The following ABRAXAS2 variants were observed in gnomAD, a reference collection of about 807,000 sequenced individuals.
ABRAXAS2 encodes the protein BRISC complex subunit Abraxas 2.
In ABRAXAS2, 23 loss-of-function variants were observed where a neutral mutation model predicts 49.0. That is an observed-to-expected ratio of 0.47 (90% confidence interval 0.34 to 0.66). The LOEUF (loss-of-function observed/expected upper bound fraction) is 0.66. Among genes scored for constraint, ABRAXAS2 ranks in the 30% least tolerant of loss-of-function variants. The pLI is 0.01. For missense variants in ABRAXAS2, 443 were observed against 511.9 expected (o/e 0.87, Z 1.30); for synonymous variants, 168 against 180.2 (o/e 0.93, Z 0.54).
chr10:124,832,086 C>T (rs1342118513), intron 8 of ABRAXAS2, among the ~76,000 whole-genome samples: 3 of 151,530 alleles, frequency 2.0e-5, no homozygotes, highest in East Asian at 1.9e-4. Flanking sequence ...AGGCTGGTCT[C>T]GGCCTCAGGT....
intron 1 of ABRAXAS2, among the ~76,000 whole-genome samples, chr10:124,802,920 A>G (rs1950715857): frequency 6.6e-6 from 1 of 152,190 alleles, no homozygotes; most frequent in South Asian, 2.1e-4. Context: ...AGTAAATTGA[A>G]TGCAATTAAA....
chr10:124,823,325 T>G (rs1419533060), intron 4 of ABRAXAS2, among the ~76,000 whole-genome samples: 1 of 152,178 alleles, frequency 6.6e-6, no homozygotes, highest in Non-Finnish European at 1.5e-5. Flanking sequence ...ACAAGGTACA[T>G]GTAAAATGTT....
chr10:124,816,522 G>T, intron 2 of ABRAXAS2, 54 bp from the exon 3 acceptor site: 4 of 1,267,202 alleles, frequency 3.2e-6, no homozygotes, highest in African/African-American at 1.5e-5. Context: ...CTATTTTATA[G>T]TTGCCTATGT....
chr10:124,822,515 G>A lies in ABRAXAS2; in HGVS notation c.267+3065G>A, dbSNP rs111392072. Among the ~76,000 whole-genome samples the A allele has an allele frequency of 3.7e-3, 564 of 152,044 alleles. 5 individuals are homozygous for A. Among genetic ancestry groups the A allele is most frequent in the Middle Eastern group, 0.01 (3 of 294 alleles). On this transcript the variant is annotated intron_variant, in intron 4 of 8. Coordinates refer to ENST00000298492, the MANE Select transcript of ABRAXAS2 (RefSeq NM_032182.4). The stretch of plus-strand genomic sequence containing the variant: ...AATTGAAAACAAAGATTCTACAGCC[G>A]GGCTCGGTGGCTCATGCCTGTAATC...
chr10:124,832,144 T>C (rs142277275), intron 8 of ABRAXAS2, among the ~76,000 whole-genome samples: 8,739 of 151,854 alleles, frequency 0.058, 809 homozygotes, highest in African/African-American at 0.2. Context: ...CAGGTGTGAG[T>C]CACCACACCT....
intron 4 of ABRAXAS2, among the ~76,000 whole-genome samples, chr10:124,823,797 C>T (rs1950877602): frequency 6.6e-6 from 1 of 152,222 alleles, no homozygotes; most frequent in Admixed American, 6.5e-5. Flanking sequence ...CTTAGTTTCT[C>T]AGTAGCTTTG....
intron 3 of ABRAXAS2, among the ~76,000 whole-genome samples, chr10:124,818,552 G>A (rs1302988187): frequency 6.6e-6 from 1 of 152,168 alleles, no homozygotes; most frequent in Non-Finnish European, 1.5e-5. Flanking sequence ...AACAGAACTG[G>A]AGCTGGAGCT....
chr10:124,826,669 G>A lies in ABRAXAS2; in HGVS notation c.342G>A (p.Lys114=). ...QMSYREQVLH[K]QLTRILGVPD... is the part of the protein sequence containing the mutation. ...CCTACAGAGAGCAGGTTCTTCACAA[G>A]CAGCTCACCCGCATCCTCGGCGTGC... The change falls in exon 5 of 9, where the codon AAG becomes AAA. Residue 114 remains lysine (K), a synonymous_variant. Transcript: ENST00000298492. 6.2e-7 allele frequency: 1 copy of A among 1,614,192 alleles called. No homozygotes were observed. The highest frequency in any genetic ancestry group is 1.7e-5 in the Admixed American group (1 of 60,014).
chr10:124,809,845 C>T (rs537769006), intron 2 of ABRAXAS2, among the ~76,000 whole-genome samples: 8 of 151,712 alleles, frequency 5.3e-5, no homozygotes, highest in East Asian at 2.0e-4. Flanking sequence ...CTCCACCTCC[C>T]GGGTTCAAGC....
intron 4 of ABRAXAS2, among the ~76,000 whole-genome samples, chr10:124,823,342 A>G (rs1212042154): frequency 6.6e-6 from 1 of 152,224 alleles, no homozygotes; most frequent in Non-Finnish European, 1.5e-5. Context: ...TGTTAGGCTT[A>G]AGATAGAGGC....
chr10:124,828,813 G>A lies in ABRAXAS2; in HGVS notation c.516G>A (p.Glu172=). Residue 172 remains glutamate, a synonymous_variant, in exon 6 of 9, where the codon GAG becomes GAA. Coordinates refer to ENST00000298492, the MANE Select transcript of ABRAXAS2 (RefSeq NM_032182.4). ...ATCTAGGAAATACTAGCCAGCAAGA[G>A]TACAAAGTGTCTTCAGTGCCAAATA... ...IPNLGNTSQQ[E]YKVSSVPNTS... is the part of the protein sequence containing the mutation. The A allele has an allele frequency of 6.2e-7, 1 of 1,613,692 alleles. No individual in the cohort carries two copies. The highest frequency in any genetic ancestry group is 1.1e-5 in the South Asian group (1 of 91,064).
chr10:124,805,116 C>T (rs537630472), intron 1 of ABRAXAS2, among the ~76,000 whole-genome samples: 15 of 152,218 alleles, frequency 9.9e-5, no homozygotes, highest in African/African-American at 3.6e-4. Context: ...AAGTGTCTGT[C>T]TTGTCAGGAG....
intron 2 of ABRAXAS2, among the ~76,000 whole-genome samples, chr10:124,810,708 G>A (rs556141174): frequency 2.0e-5 from 3 of 150,392 alleles, no homozygotes; most frequent in South Asian, 2.1e-4. Context: ...TCAGCCTCCC[G>A]AGTAGGTGGA....
rs759323884 is a variant in ABRAXAS2 at position 124,801,853 on chromosome 10, C to T, written c.24C>T (p.Tyr8=). 1.8e-5 allele frequency: 29 copies of T among 1,613,428 alleles called. No homozygotes were observed. Among genetic ancestry groups the T allele is most frequent in the Middle Eastern group, 3.3e-4 (2 of 6,082 alleles). Residue 8 remains tyrosine, a synonymous_variant, in exon 1 of 9, where the codon TAC becomes TAT. Transcript: ENST00000298492. ...TCATGGCGGCGTCCATTTCGGGCTA[C>T]ACCTTCAGTGCTGTGTGTTTCCACA... The part of the protein sequence containing the change: MAASISG[Y]TFSAVCFHSA...
At chr10:124,832,997 T>C (rs974333263) in intron 8 of ABRAXAS2, among the ~76,000 whole-genome samples, 3 of 149,224 alleles carry the variant, frequency 2.0e-5, no homozygotes, top group African/African-American at 7.4e-5. Flanking sequence ...AATACAAAAA[T>C]TAGCTGGGCG....
chr10:124,814,074 C>T (rs961078271), intron 2 of ABRAXAS2, among the ~76,000 whole-genome samples: 1 of 152,166 alleles, frequency 6.6e-6, no homozygotes, highest in African/African-American at 2.4e-5. Flanking sequence ...TCACTGCAAC[C>T]TCTGCCTCCC....
rs193237634 is a variant in ABRAXAS2 at position 124,834,145 on chromosome 10, A to G, written c.779-357A>G. On this transcript the variant is annotated intron_variant, in intron 8 of 8. Transcript: ENST00000298492. Reference sequence around the variant, plus strand: ...GCAAGCCCCACGCCAGGGAACCAGCACAGGTTGTGGAGCGACAGAGCCTGC... The same window carrying G: ...GCAAGCCCCACGCCAGGGAACCAGCGCAGGTTGTGGAGCGACAGAGCCTGC... 3.9e-4 allele frequency among the ~76,000 whole-genome samples: 60 copies of G among 152,262 alleles called. No homozygotes were observed. The East Asian group carries it at 8.3e-3, about 21-fold the overall frequency.
chr10:124,826,852 G>T, intron 5 of ABRAXAS2, 67 bp downstream of exon 5: 5 of 1,477,652 alleles, frequency 3.4e-6, no homozygotes, highest in Non-Finnish European at 4.6e-6. Flanking sequence ...GGTGGCTTAC[G>T]CCTGTAATCC....
intron 4 of ABRAXAS2, among the ~76,000 whole-genome samples, chr10:124,819,765 C>T (rs1950849774): frequency 6.7e-6 from 1 of 149,806 alleles, no homozygotes; most frequent in African/African-American, 2.5e-5. Flanking sequence ...CAGAGCGAGG[C>T]TCCATCTCAA....
Sources: gnomAD v4.1 joint callset for allele counts (sites outside exome capture counted in the v4.1 genomes callset) on GRCh38, gnomAD v4.1.1 for gene constraint, MANE v1.5 for transcripts, NCBI Gene and HGNC (gene_info 2026-07-23, HGNC 2026-07-21) for gene names.